Variants in INSC observed in about 807,000 individuals in gnomAD.
INSC encodes protein inscuteable homolog.
A neutral mutation model predicts 58.6 loss-of-function variants in INSC; 67 were observed. The observed-to-expected ratio is 1.14, with a 90% CI of 0.94 to 1.40. The LOEUF (loss-of-function observed/expected upper bound fraction) is 1.40, where lower values mean the gene tolerates loss of function less well. INSC is among the 40% of genes most tolerant of loss of function. INSC has a pLI of 0.00. For synonymous variants in INSC, 262 were observed against 276.1 expected (o/e 0.95, Z 0.51); for missense variants, 714 against 692.0 (o/e 1.03, Z -0.36).
chr11:15,245,934 G>C lies in INSC; in HGVS notation c.1493G>C (p.Gly498Ala), dbSNP rs1048897021. Reference protein sequence around the residue: ...ACLAALRRLAGVCPEGLQDSD... With the variant: ...ACLAALRRLAAVCPEGLQDSD... ...CAGGCTGCTCTGCGTAGATTGGCTG[G>C]GGTCTGCCCTGAAGGCCTCCAGGAC... Residue 498 changes from glycine (G) to alanine (A), a missense_variant, in exon 13 of 13, where the codon GGG becomes GCG. Physicochemically the swap from Gly to Ala is moderately conservative, Grantham distance 60 (BLOSUM62 0). Transcript: ENST00000379556. 1 of 1,614,154 alleles carries C rather than the reference G, an allele frequency of 6.2e-7. No homozygotes were observed. Among genetic ancestry groups the C allele is most frequent in the Non-Finnish European group, 8.5e-7 (1 of 1,179,974 alleles).
intron 5 of INSC, among the ~76,000 whole-genome samples, chr11:15,186,564 C>T (rs1415691217): frequency 6.6e-6 from 1 of 152,156 alleles, no homozygotes; most frequent in Non-Finnish European, 1.5e-5. Context: ...GAGATCTTAT[C>T]CACATTTATG....
At chr11:15,218,753 T>TG (rs776700729) in intron 7 of INSC, among the ~76,000 whole-genome samples, 173 of 152,230 alleles carry the variant, frequency 1.1e-3, no homozygotes, top group Non-Finnish European at 1.8e-3. Context: ...TACATCAGGA[T>TG]GGGGTCACTT....
chr11:15,175,010 T>C (rs1396818991), intron 2 of INSC, among the ~76,000 whole-genome samples: 1 of 152,222 alleles, frequency 6.6e-6, no homozygotes, highest in Non-Finnish European at 1.5e-5. Context: ...TAATCTATGT[T>C]CTCATGCTGT....
At chr11:15,120,831 T>A (rs534211697) in intron 1 of INSC, among the ~76,000 whole-genome samples, 2 of 152,320 alleles carry the variant, frequency 1.3e-5, no homozygotes, top group East Asian at 3.9e-4. Flanking sequence ...TTTATGTCAC[T>A]CTAAATTTTG....
intron 2 of INSC, among the ~76,000 whole-genome samples, chr11:15,149,641 T>C (rs1848587776): frequency 6.6e-6 from 1 of 152,092 alleles, no homozygotes; most frequent in African/African-American, 2.4e-5. Flanking sequence ...CTTGTTGTCC[T>C]GAGTTGGGCA....
Position 15,180,301 on chromosome 11 carries a change from AG to A in INSC, c.579+1857del, listed in dbSNP as rs561945040. The stretch of plus-strand genomic sequence containing the variant: ...AAAACAAACAAACAAACAAACAAAA[AG>A]GGCTGAAAAAGAGGTGTTAAACTGT... On this transcript the variant is annotated intron_variant, in intron 5 of 12. Transcript: ENST00000379556. Among the ~76,000 whole-genome samples the A allele has an allele frequency of 7.4e-3, 1,130 of 152,110 alleles. 5 individuals carry two copies. Among genetic ancestry groups the A allele is most frequent in the Non-Finnish European group, 0.012 (817 of 67,964 alleles).
intron 6 of INSC, among the ~76,000 whole-genome samples, chr11:15,191,415 C>G (rs1850172992): frequency 6.6e-6 from 1 of 152,108 alleles, no homozygotes; most frequent in Non-Finnish European, 1.5e-5. Flanking sequence ...TTCTCCATCT[C>G]CACACATCCT....
chr11:15,140,136 T>C (rs1848334101), intron 1 of INSC, among the ~76,000 whole-genome samples: 1 of 152,132 alleles, frequency 6.6e-6, no homozygotes, highest in Non-Finnish European at 1.5e-5. Context: ...AGAGGATGTG[T>C]ATTCATATAA....
chr11:15,193,662 G>T (rs1850264766), intron 6 of INSC, among the ~76,000 whole-genome samples: 1 of 152,188 alleles, frequency 6.6e-6, no homozygotes, highest in South Asian at 2.1e-4. Context: ...TGGTGTATAT[G>T]TGCCACATTT....
At chr11:15,231,802 T>A (rs985853986) in intron 9 of INSC, among the ~76,000 whole-genome samples, 1 of 152,220 alleles carries the variant, frequency 6.6e-6, no homozygotes, top group Non-Finnish European at 1.5e-5. Flanking sequence ...CTGGGTATTC[T>A]TCACTTGCCT....
intron 5 of INSC, among the ~76,000 whole-genome samples, chr11:15,183,294 T>C (rs1257957888): frequency 2.1e-5 from 3 of 142,032 alleles, no homozygotes; most frequent in African/African-American, 5.4e-5. Context: ...GAGGTTGCCA[T>C]GAGCCGAGAT....
chr11:15,139,942 C>T (rs1004366088), intron 1 of INSC, among the ~76,000 whole-genome samples: 1 of 152,320 alleles, frequency 6.6e-6, no homozygotes, highest in Admixed American at 6.5e-5. Context: ...TCTTCTGTGG[C>T]TTAGGGCTGG....
chr11:15,117,179 T>A (rs1445792822), intron 1 of INSC, among the ~76,000 whole-genome samples: 1 of 151,696 alleles, frequency 6.6e-6, no homozygotes, highest in Non-Finnish European at 1.5e-5. Flanking sequence ...TGACCTCAGG[T>A]GATCTGCCTG....
chr11:15,113,143 T>TTCTTTCTTTCTTTCTTTCTCTC, upstream of INSC, among the ~76,000 whole-genome samples: 547 of 98,672 alleles, frequency 5.5e-3, 17 homozygotes, highest in East Asian at 0.028. Context: ...CTTTCTTTCT[T>TTCTTTCTTTCTTTCTTTCTCTC]TCTGTCTCTC....
intron 2 of INSC, among the ~76,000 whole-genome samples, chr11:15,169,465 G>T (rs1306282332): frequency 1.3e-5 from 2 of 152,208 alleles, no homozygotes; most frequent in Non-Finnish European, 2.9e-5. Flanking sequence ...GGTGTTCCCT[G>T]CATGAGGCTC....
At chr11:15,219,326 C>T (rs972569924) in intron 7 of INSC, among the ~76,000 whole-genome samples, 4 of 152,180 alleles carry the variant, frequency 2.6e-5, no homozygotes, top group African/African-American at 7.2e-5. Context: ...AAGGCCACGT[C>T]TCCCAACTGA....
rs1348887029 is a variant in INSC at position 15,135,181 on chromosome 11, A to C, written c.-45-13949A>C. ...CCAATGCATAGAATTGTGGAAGTGC[A>C]AGATGTTTTTGGAGCATCATAGAAC... is the stretch of plus-strand genomic sequence containing the variant. On this transcript the variant is annotated intron_variant, in intron 1 of 12. Coordinates refer to ENST00000379556, the MANE Select transcript of INSC (RefSeq NM_001042536.3). 2.0e-5 allele frequency among the ~76,000 whole-genome samples: 3 copies of C among 152,176 alleles called. No individual in the cohort carries two copies. The East Asian group carries it at 5.8e-4, about 29-fold the overall frequency.
In INSC at chr11:15,229,995, A is replaced by AT. The variant is rs1564917533; in HGVS notation, c.1170+4168dup. Among the ~76,000 whole-genome samples, 16 of 30,218 alleles carry AT rather than the reference A, an allele frequency of 5.3e-4. 1 individual carries two copies. The highest frequency in any genetic ancestry group is 1.9e-3 in the African/African-American group (14 of 7,412). 19.8% of individuals were successfully genotyped at this position (30,218 alleles called of 152,430 possible). A position where few individuals can be genotyped will look rare whatever the true frequency, so the allele number is the denominator to read the frequency against. ...ATATATATATTATATATATATATAT[A>AT]TATATATATATATATATAATATATA... On this transcript the variant is annotated intron_variant, in intron 9 of 12. Transcript: ENST00000379556.
At chr11:15,136,640 G>A (rs189261821) in intron 1 of INSC, among the ~76,000 whole-genome samples, 10 of 152,228 alleles carry the variant, frequency 6.6e-5, no homozygotes, top group Admixed American at 2.6e-4. Flanking sequence ...TCATCCATAA[G>A]AAGCAACTCC....
Sources: gnomAD v4.1 joint callset for allele counts (sites outside exome capture counted in the v4.1 genomes callset) on GRCh38, gnomAD v4.1.1 for gene constraint, MANE v1.5 for transcripts, NCBI Gene and HGNC (gene_info 2026-07-23, HGNC 2026-07-21) for gene names.